Variants in MTREX observed in about 807,000 individuals in gnomAD.
The protein encoded by MTREX is Mtr4 exosome RNA helicase.
MTREX carries 76 observed loss-of-function variants against 135.4 expected under a neutral mutation model. That is an observed-to-expected ratio of 0.56 (90% CI 0.47 to 0.68). The LOEUF (loss-of-function observed/expected upper bound fraction) is 0.68. Ranked by LOEUF, MTREX falls within the 30% of genes least tolerant of loss-of-function variation. MTREX has a pLI of 0.00. For synonymous variants in MTREX, 404 were observed against 401.6 expected, an observed-to-expected ratio of 1.01 and a Z score of -0.07; for missense variants, 920 against 1,262.1, an observed-to-expected ratio of 0.73 and a Z score of 4.11.
intron 19 of MTREX, among the ~76,000 whole-genome samples, chr5:55,393,732 A>G (rs199728244): frequency 1.3e-5 from 2 of 152,240 alleles, no homozygotes; most frequent in East Asian, 3.8e-4. Context: ...CATCATGTTG[A>G]ACCTGAATTC....
intron 22 of MTREX, among the ~76,000 whole-genome samples, chr5:55,408,736 A>G (rs562147694): frequency 1.0e-3 from 158 of 152,096 alleles, no homozygotes; most frequent in South Asian, 8.3e-3. Context: ...AGAATTTTTC[A>G]TTTTCCACCC....
intron 5 of MTREX, among the ~76,000 whole-genome samples, chr5:55,338,421 T>TC (rs988839201): frequency 6.6e-6 from 1 of 152,172 alleles, no homozygotes; most frequent in African/African-American, 2.4e-5. Flanking sequence ...TTGTGGTTTT[T>TC]CAAAGACTCT....
chr5:55,378,173 A>G, intron 16 of MTREX, 141 bp from the exon 17 acceptor site: 2 of 951,122 alleles, frequency 2.1e-6, no homozygotes, highest in Admixed American at 3.7e-5. Flanking sequence ...AGATGAACAC[A>G]TAGAGACTTA....
intron 19 of MTREX, among the ~76,000 whole-genome samples, chr5:55,391,212 G>A (rs998450242): frequency 2.6e-5 from 4 of 152,230 alleles, no homozygotes; most frequent in Admixed American, 1.3e-4. Context: ...AGACTGAGGT[G>A]GGAGGATTGC....
intron 19 of MTREX, among the ~76,000 whole-genome samples, chr5:55,391,032 TATTA>T (rs1177099915): frequency 9.2e-5 from 14 of 152,246 alleles, no homozygotes; most frequent in African/African-American, 3.1e-4. Flanking sequence ...GGTCATACTT[TATTA>T]ATTTCTTTAC....
intron 3 of MTREX, among the ~76,000 whole-genome samples, chr5:55,326,919 A>G (rs1029110362): frequency 2.0e-5 from 3 of 151,440 alleles, no homozygotes; most frequent in Admixed American, 1.3e-4. Context: ...TCATTGTTCA[A>G]CTCCCACTTA....
In MTREX at chr5:55,379,115, C is replaced by T. The variant is rs1750352510; in HGVS notation, c.1984-12C>T. ...ATTTGATTCTTGCTTACTTGCTTTT[C>T]TTTCTTTTTAGGTAAAGAATGAAGG... is the stretch of plus-strand genomic sequence containing the variant. On this transcript the variant is annotated splice_polypyrimidine_tract_variant and intron_variant, in intron 17 of 26. Coordinates refer to ENST00000230640, the MANE Select transcript of MTREX (RefSeq NM_015360.5). 6.2e-7 allele frequency: 1 copy of T among 1,601,050 alleles called. No individual in the cohort carries two copies. The highest frequency in any genetic ancestry group is 1.3e-5 in the African/African-American group (1 of 74,632).
chr5:55,347,742 G>A (rs948084484), intron 11 of MTREX, among the ~76,000 whole-genome samples: 7 of 152,128 alleles, frequency 4.6e-5, no homozygotes, highest in African/African-American at 1.4e-4. Context: ...GCATTTTCAC[G>A]CTGCTGATAA....
intron 16 of MTREX, among the ~76,000 whole-genome samples, chr5:55,369,932 T>C (rs1206487439): frequency 1.3e-5 from 2 of 151,956 alleles, no homozygotes; most frequent in African/African-American, 4.8e-5. Flanking sequence ...TTTTTTTCTT[T>C]TTTTGAGACG....
chr5:55,399,557 G>T (rs561861525), intron 20 of MTREX, among the ~76,000 whole-genome samples: 1 of 151,876 alleles, frequency 6.6e-6, no homozygotes, highest in Admixed American at 6.6e-5. Context: ...GCGCAATCTC[G>T]GCTCACCGCA....
chr5:55,322,914 G>A (rs1749311968), intron 2 of MTREX, among the ~76,000 whole-genome samples: 1 of 152,114 alleles, frequency 6.6e-6, no homozygotes, highest in Non-Finnish European at 1.5e-5. Flanking sequence ...ATCTGTGGCT[G>A]GAATCGCTGG....
At chr5:55,379,010 G>T in intron 17 of MTREX, 117 bp from the exon 18 acceptor site, 1 of 678,326 alleles carries the variant, frequency 1.5e-6, no homozygotes, top group Non-Finnish European at 2.5e-6. Flanking sequence ...CTCTTTCAAA[G>T]ATATTTTATC....
At chr5:55,399,935 T>G (rs943394676) in intron 20 of MTREX, among the ~76,000 whole-genome samples, 1 of 152,220 alleles carries the variant, frequency 6.6e-6, no homozygotes, top group African/African-American at 2.4e-5. Flanking sequence ...AATGTAAATA[T>G]ACAATAATGA....
At chr5:55,365,858 G>T (rs1750094738) in intron 15 of MTREX, among the ~76,000 whole-genome samples, 1 of 152,010 alleles carries the variant, frequency 6.6e-6, no homozygotes, top group Admixed American at 6.5e-5. Context: ...GGGCCTGGTG[G>T]CACGCTCCTG....
At chr5:55,373,118 T>TTTTATG (rs1317540306) in intron 16 of MTREX, among the ~76,000 whole-genome samples, 5 of 150,364 alleles carry the variant, frequency 3.3e-5, no homozygotes, top group Non-Finnish European at 7.4e-5. Context: ...TTATTTTTAT[T>TTTTATG]TCTTTTTTTT....
At chr5:55,336,089 T>G (rs1749548709) in intron 5 of MTREX, among the ~76,000 whole-genome samples, 1 of 152,194 alleles carries the variant, frequency 6.6e-6, no homozygotes, top group African/African-American at 2.4e-5. Flanking sequence ...TTTTATATAC[T>G]GGTATTTTAT....
chr5:55,367,415 G>A (rs1750122558), intron 16 of MTREX, among the ~76,000 whole-genome samples: 1 of 151,874 alleles, frequency 6.6e-6, no homozygotes, highest in African/African-American at 2.4e-5. Context: ...GAACACGGGA[G>A]GTGGAGGTTG....
At position 55,316,120 on chromosome 5, in the gene MTREX, G is replaced by C. The variant is rs115836907; in HGVS notation, c.135-6207G>C. On this transcript the variant is annotated intron_variant, in intron 1 of 26. Transcript: ENST00000230640. ...GATTCCCTAAACAGACCAGTAGCAA[G>C]CTCCAAAATTAAATCAGTAATAAAT... 4.7e-3 allele frequency among the ~76,000 whole-genome samples: 713 copies of C among 152,144 alleles called. 5 individuals carry two copies. The highest frequency in any genetic ancestry group is 0.017 in the African/African-American group (687 of 41,484).
intron 19 of MTREX, 36 bp from the exon 20 acceptor site, chr5:55,397,380 A>AAT: frequency 7.3e-7 from 1 of 1,373,006 alleles, no homozygotes. Context: ...ACATGTGCAA[A>AAT]TTTAACTGTA....
Sources: gnomAD v4.1 joint callset for allele counts (sites outside exome capture counted in the v4.1 genomes callset) on GRCh38, gnomAD v4.1.1 for gene constraint, MANE v1.5 for transcripts, NCBI Gene and HGNC (gene_info 2026-07-23, HGNC 2026-07-21) for gene names.